The following MTUS1 variants were observed in gnomAD, a reference collection of about 807,000 sequenced individuals.
MTUS1 encodes the protein microtubule associated scaffold protein 1.
In MTUS1, 109 loss-of-function variants were observed where a neutral mutation model predicts 120.8. The observed-to-expected ratio is 0.90, with a 90% CI of 0.77 to 1.06. The LOEUF is 1.06. MTUS1 is among the 50% of genes least tolerant of loss of function. MTUS1 has a pLI of 0.00. For synonymous variants in MTUS1, 737 were observed against 550.5 expected, an observed-to-expected ratio of 1.34 and a Z score of -4.74; for missense variants, 2,210 against 1,486.3, an observed-to-expected ratio of 1.49 and a Z score of -8.01.
In MTUS1 at chr8:17,647,073, T is replaced by G. The variant is rs145654440; in HGVS notation, c.3508A>C (p.Asn1170His). The change falls in exon 14 of 15, where the codon AAC becomes CAC. Residue 1170 changes from asparagine (N) to histidine (H), a missense_variant. By Grantham distance (68) the Asn-to-His change is moderately conservative (BLOSUM62 1). Coordinates refer to ENST00000693296, the MANE Select transcript of MTUS1 (RefSeq NM_001363059.2). ...KLMKMEKLVD[N>H]NTALVDKLKR... ...AATTTGTCAACCAATGCTGTGTTGTTGTCCACCTTGGCATAAACAAGAATT... is the reference window on the plus strand; with the variant it reads ...AATTTGTCAACCAATGCTGTGTTGTGGTCCACCTTGGCATAAACAAGAATT... 6.2e-6 allele frequency: 10 copies of G among 1,613,598 alleles called. No homozygotes were observed. Among genetic ancestry groups the G allele is most frequent in the Non-Finnish European group, 7.6e-6 (9 of 1,179,768 alleles).
intron 1 of MTUS1, among the ~76,000 whole-genome samples, chr8:17,771,614 C>T (rs1004729836): frequency 5.3e-5 from 8 of 152,218 alleles, no homozygotes; most frequent in African/African-American, 1.9e-4. Context: ...AACAGATTGT[C>T]TGAATCAGAC....
intron 6 of MTUS1, among the ~76,000 whole-genome samples, chr8:17,711,243 G>C (rs10102059): frequency 0.016 from 2,421 of 152,310 alleles, 67 homozygotes; most frequent in African/African-American, 0.055. Flanking sequence ...ACCTGTGCAA[G>C]TCCTAAACAG....
intron 6 of MTUS1, among the ~76,000 whole-genome samples, chr8:17,688,288 G>A (rs569638936): frequency 9.9e-5 from 15 of 152,182 alleles, no homozygotes; most frequent in African/African-American, 1.4e-4. Flanking sequence ...GGTGCTTTGC[G>A]GGGACAGGAG....
intron 3 of MTUS1, among the ~76,000 whole-genome samples, chr8:17,729,712 G>T (rs375891705): frequency 7.2e-4 from 110 of 152,082 alleles, no homozygotes; most frequent in African/African-American, 2.4e-3. Context: ...CGCAGGAATT[G>T]AATTTTTAAA....
chr8:17,672,931 T>A (rs963942099), intron 8 of MTUS1, among the ~76,000 whole-genome samples: 1 of 152,162 alleles, frequency 6.6e-6, no homozygotes, highest in African/African-American at 2.4e-5. Flanking sequence ...TCCACTAAAA[T>A]GTAAAAAGAG....
At position 17,645,610 on chromosome 8, in the gene MTUS1, T is replaced by C. The variant is rs547650332; in HGVS notation, c.*316A>G. ...AATCTTAATAGGGCCCTGAGAGTTTTTCCCCCTATGCTTAGGTGAAAAAGG... is the reference window on the plus strand; with the variant it reads ...AATCTTAATAGGGCCCTGAGAGTTTCTCCCCCTATGCTTAGGTGAAAAAGG... On this transcript the variant is annotated 3_prime_UTR_variant, in exon 15 of 15. Transcript: ENST00000693296. 149 of 226,028 alleles carry C rather than the reference T, an allele frequency of 6.6e-4. 2 individuals carry two copies. The highest frequency in any genetic ancestry group is 1.8e-3 in the Admixed American group (33 of 18,404). 14.0% of individuals were successfully genotyped at this position (226,028 alleles called of 1,614,324 possible).
At chr8:17,716,790 G>A (rs1400253814) in intron 4 of MTUS1, among the ~76,000 whole-genome samples, 6 of 152,130 alleles carry the variant, frequency 3.9e-5, no homozygotes, top group East Asian at 3.9e-4. Context: ...TCCTGACCTC[G>A]TGATCTGCCC....
At chr8:17,724,970 G>C (rs2046118535) in intron 3 of MTUS1, among the ~76,000 whole-genome samples, 1 of 152,066 alleles carries the variant, frequency 6.6e-6, no homozygotes, top group South Asian at 2.1e-4. Flanking sequence ...TGCCCAGGCT[G>C]GTCTCAAACT....
At chr8:17,733,840 G>C (rs1272655139) in intron 3 of MTUS1, among the ~76,000 whole-genome samples, 1 of 152,084 alleles carries the variant, frequency 6.6e-6, no homozygotes, top group Non-Finnish European at 1.5e-5. Context: ...TCTCAGTCAA[G>C]TCCTGAAAAA....
chr8:17,648,514 C>T (rs1274484442), intron 13 of MTUS1, among the ~76,000 whole-genome samples: 3 of 152,146 alleles, frequency 2.0e-5, no homozygotes, highest in Admixed American at 6.5e-5. Flanking sequence ...TTAGAAGATA[C>T]CAGACTCAGT....
At chr8:17,785,181 T>G (rs923447977) in intron 1 of MTUS1, among the ~76,000 whole-genome samples, 1 of 151,882 alleles carries the variant, frequency 6.6e-6, no homozygotes, top group Non-Finnish European at 1.5e-5. Flanking sequence ...CTGAACAAGA[T>G]GGTCCCAGCC....
rs138228829 is a variant in MTUS1, at chr8:17,695,413, G to T, written c.2624-10871C>A. Among the ~76,000 whole-genome samples, 143 of 152,306 alleles carry T rather than the reference G, an allele frequency of 9.4e-4. 8 individuals are homozygous for T. In the East Asian group the frequency reaches 0.021, roughly 22 times the overall value. ...AGCGAATTCACTTCTCTGGGCCTCAGACTTCCTGGTATAAGACAGATTAGA... is the reference window on the plus strand; with the variant it reads ...AGCGAATTCACTTCTCTGGGCCTCATACTTCCTGGTATAAGACAGATTAGA... On this transcript the variant is annotated intron_variant, in intron 6 of 14. Transcript: ENST00000693296.
At chr8:17,763,724 G>C (rs534044444) in intron 1 of MTUS1, among the ~76,000 whole-genome samples, 1 of 152,164 alleles carries the variant, frequency 6.6e-6, no homozygotes, top group Non-Finnish European at 1.5e-5. Flanking sequence ...AAGTAACTGT[G>C]GCTGGCTGGT....
chr8:17,779,312 C>G (rs937493943), intron 1 of MTUS1, among the ~76,000 whole-genome samples: 8 of 152,144 alleles, frequency 5.3e-5, no homozygotes, highest in African/African-American at 1.9e-4. Context: ...AGCCTAAAGA[C>G]AGTGACCAGG....
At chr8:17,674,847 A>G in intron 8 of MTUS1, 2 of 1,114,434 alleles carry the variant, frequency 1.8e-6, no homozygotes, top group Non-Finnish European at 1.1e-6. Context: ...CACTATTCTC[A>G]TATGAAAAGT....
chr8:17,645,979 G>A lies in MTUS1; in HGVS notation c.3760C>T (p.Gln1254Ter), dbSNP rs752801697. The A allele has an allele frequency of 6.8e-6, 11 of 1,613,472 alleles. 1 individual carries two copies. The South Asian group carries it at 1.2e-4, about 18-fold the overall frequency. The change falls in exon 15 of 15, where the codon CAG (glutamine) becomes TAG (stop). Residue 1254 changes from glutamine to a stop codon, truncating the protein, a stop_gained. Transcript: ENST00000693296. LOFTEE classifies it high-confidence loss of function. ...AAGGAGCCCGAATTCCTTGGTGACTGCAAAGGGATGGCGGAGGATGTGGGG... is the reference window on the plus strand; with the variant it reads ...AAGGAGCCCGAATTCCTTGGTGACTACAAAGGGATGGCGGAGGATGTGGGG... ...RSPTSSAIPLQSPRNSGSFPS... is the reference protein window; with the variant it reads ...RSPTSSAIPL
intron 6 of MTUS1, among the ~76,000 whole-genome samples, chr8:17,706,732 G>A (rs1820245992): frequency 6.6e-6 from 1 of 152,142 alleles, no homozygotes; most frequent in African/African-American, 2.4e-5. Flanking sequence ...TTGTATAGAT[G>A]TTCATCATAG....
At chr8:17,691,983 A>G (rs962386897) in intron 6 of MTUS1, 3 of 152,230 alleles carry the variant, frequency 2.0e-5, no homozygotes, top group African/African-American at 7.2e-5. Flanking sequence ...AAACGACAAA[A>G]TAACTTGAAA....
chr8:17,782,249 C>G (rs2050928322), intron 1 of MTUS1, among the ~76,000 whole-genome samples: 1 of 152,012 alleles, frequency 6.6e-6, no homozygotes, highest in African/African-American at 2.4e-5. Context: ...TAAAAATATT[C>G]AAAGAAAATG....
Sources: gnomAD v4.1 joint callset for allele counts (sites outside exome capture counted in the v4.1 genomes callset) on GRCh38, gnomAD v4.1.1 for gene constraint, MANE v1.5 for transcripts, NCBI Gene and HGNC (gene_info 2026-07-23, HGNC 2026-07-21) for gene names.